Variants in SNTB1 observed in about 807,000 individuals in gnomAD.
The protein encoded by SNTB1 is beta-1-syntrophin.
SNTB1 carries 36 observed loss-of-function variants against 48.9 expected under a neutral mutation model. The observed-to-expected ratio is 0.74, with a 90% CI of 0.56 to 0.97. The LOEUF (loss-of-function observed/expected upper bound fraction) is 0.97. SNTB1 is among the 50% of genes least tolerant of loss of function. The probability of loss-of-function intolerance (pLI) is 0.00; values close to 1 mark genes in which losing one functional copy is unlikely to be tolerated. For missense variants in SNTB1, 786 were observed against 703.4 expected (o/e 1.12, Z -1.33); for synonymous variants, 299 against 294.6 (o/e 1.01, Z -0.15).
At chr8:120,724,079 C>T (rs961079416) in intron 1 of SNTB1, among the ~76,000 whole-genome samples, 2 of 152,222 alleles carry the variant, frequency 1.3e-5, no homozygotes, top group African/African-American at 2.4e-5. Context: ...AAGATCTTTT[C>T]GGTCTCTGAA....
intron 1 of SNTB1, among the ~76,000 whole-genome samples, chr8:120,780,679 A>G (rs959616538): frequency 6.6e-6 from 1 of 152,190 alleles, no homozygotes; most frequent in Non-Finnish European, 1.5e-5. Context: ...AATTTCTGGA[A>G]GGGGAAAGCT....
intron 2 of SNTB1, among the ~76,000 whole-genome samples, chr8:120,682,826 T>A (rs1387930975): frequency 2.6e-5 from 4 of 151,478 alleles, no homozygotes; most frequent in Non-Finnish European, 5.9e-5. Context: ...TAATTTCAAA[T>A]GAAGGAGGTA....
chr8:120,701,056 A>G (rs983026680), intron 1 of SNTB1, among the ~76,000 whole-genome samples: 1 of 152,186 alleles, frequency 6.6e-6, no homozygotes, highest in Non-Finnish European at 1.5e-5. Context: ...CTTCTGGTGA[A>G]ATGTTCAAGC....
In SNTB1 at chr8:120,625,235, C is replaced by T. The variant is rs565842209; in HGVS notation, c.996+7209G>A. On this transcript the variant is annotated intron_variant, in intron 3 of 6. Coordinates refer to ENST00000517992, the MANE Select transcript of SNTB1 (RefSeq NM_021021.4). ...TCCAACACATGAACACTGGGGGACA[C>T]GTTCAAACCATAGCACCATGTGGCC... Among the ~76,000 whole-genome samples the T allele has an allele frequency of 8.5e-5, 13 of 152,308 alleles. No individual in the cohort carries two copies. The South Asian group carries it at 2.1e-3, about 24-fold the overall frequency.
intron 1 of SNTB1, among the ~76,000 whole-genome samples, chr8:120,740,590 T>C (rs1819025586): frequency 6.6e-6 from 1 of 152,042 alleles, no homozygotes; most frequent in Non-Finnish European, 1.5e-5. Flanking sequence ...TTACAGGCCA[T>C]GGGTAATTAA....
chr8:120,683,770 C>T (rs1162659579), intron 2 of SNTB1, among the ~76,000 whole-genome samples: 1 of 152,146 alleles, frequency 6.6e-6, no homozygotes, highest in Non-Finnish European at 1.5e-5. Context: ...GTTCTCTCTC[C>T]TGGACTCTGA....
intron 1 of SNTB1, among the ~76,000 whole-genome samples, chr8:120,718,403 G>A (rs1254957320): frequency 6.6e-6 from 1 of 152,242 alleles, no homozygotes; most frequent in Non-Finnish European, 1.5e-5. Context: ...GGGGTGGGAA[G>A]AGAAGAGGGG....
intron 1 of SNTB1, among the ~76,000 whole-genome samples, chr8:120,704,677 C>G (rs1818353814): frequency 6.6e-6 from 1 of 152,002 alleles, no homozygotes; most frequent in Non-Finnish European, 1.5e-5. Context: ...ATGGCTGAAT[C>G]TAATAGATGA....
chr8:120,702,105 G>A (rs1034417913), intron 1 of SNTB1, among the ~76,000 whole-genome samples: 5 of 152,188 alleles, frequency 3.3e-5, no homozygotes, highest in Non-Finnish European at 7.3e-5. Context: ...AATGTTTAAT[G>A]AGCTCTTTCT....
chr8:120,649,841 T>C (rs9297621), intron 2 of SNTB1, among the ~76,000 whole-genome samples: 63,914 of 151,516 alleles, frequency 0.42, 14,182 homozygotes, highest in Non-Finnish European at 0.49. Context: ...TAGGACCCTC[T>C]GAGCCAGGTG....
intron 3 of SNTB1, among the ~76,000 whole-genome samples, chr8:120,579,813 T>C (rs1234656247): frequency 6.6e-6 from 1 of 152,230 alleles, no homozygotes; most frequent in Non-Finnish European, 1.5e-5. Flanking sequence ...GATACTGTTG[T>C]CACTTAGGCA....
chr8:120,557,065 G>A (rs1815577257), intron 4 of SNTB1, among the ~76,000 whole-genome samples: 1 of 152,156 alleles, frequency 6.6e-6, no homozygotes, highest in Non-Finnish European at 1.5e-5. Flanking sequence ...AGTCAAAACA[G>A]TATTCAAAAG....
intron 1 of SNTB1, among the ~76,000 whole-genome samples, chr8:120,747,586 A>T (rs4870748): frequency 6.6e-6 from 1 of 152,114 alleles, no homozygotes; most frequent in East Asian, 1.9e-4. Context: ...CCATCACACC[A>T]GGTCCATGTT....
chr8:120,578,273 C>T (rs1815983100), intron 3 of SNTB1, among the ~76,000 whole-genome samples: 2 of 151,918 alleles, frequency 1.3e-5, no homozygotes, highest in South Asian at 2.1e-4. Context: ...ATCTCCTGAC[C>T]TCATGATCTG....
chr8:120,800,556 G>A (rs1305228174), intron 1 of SNTB1, among the ~76,000 whole-genome samples: 7 of 152,042 alleles, frequency 4.6e-5, no homozygotes, highest in Non-Finnish European at 1.0e-4. Flanking sequence ...AGCCCAAGGA[G>A]GATGGTCATG....
intron 4 of SNTB1, among the ~76,000 whole-genome samples, chr8:120,573,720 G>A (rs1815895272): frequency 1.3e-5 from 2 of 152,234 alleles, no homozygotes; most frequent in Admixed American, 1.3e-4. Context: ...TGTGTATGGT[G>A]TAAAATAGGG....
At chr8:120,634,852 A>T (rs978353056) in intron 2 of SNTB1, among the ~76,000 whole-genome samples, 52 of 139,232 alleles carry the variant, frequency 3.7e-4, no homozygotes, top group African/African-American at 6.9e-4. Context: ...ATTAGTATTC[A>T]TTTTTTTTTT....
chr8:120,811,829 C>T lies in SNTB1; in HGVS notation c.15G>A (p.Ala5=). 3 of 1,344,874 alleles carry T rather than the reference C, an allele frequency of 2.2e-6. No homozygotes were observed. Among genetic ancestry groups the T allele is most frequent in the Non-Finnish European group, 1.9e-6 (2 of 1,051,302 alleles). The allele number at this position is 1,344,874 out of a possible 1,614,324, so 83.3% of individuals were successfully genotyped here. The change falls in exon 1 of 7, where the codon GCG becomes GCA. Residue 5 remains alanine (A), a synonymous_variant. Coordinates refer to ENST00000517992, the MANE Select transcript of SNTB1 (RefSeq NM_021021.4). ...CAGCCGGCCCAGCCGCCGCCGCCGC[C>T]GCCGCTACCGCCATCTTTCCGGCAT... The part of the protein sequence containing the change: MAVA[A]AAAAAGPAGA...
At position 120,548,838 on chromosome 8, in the gene SNTB1, C is replaced by G. The variant is rs775770688; in HGVS notation, c.1257G>C (p.Arg419Ser). Residue 419 changes from arginine to serine, a missense_variant, in exon 5 of 7, where the codon AGG becomes AGC. Physicochemically the swap from Arg to Ser is moderately radical, Grantham distance 110 (BLOSUM62 -1). Transcript: ENST00000517992. The part of the protein sequence containing the change: ...ETHLFRAETS[R>S]DLSHWTRSIV... ...TGCTCCTTGTCCAGTGGGAGAGGTCCCTGCTGGTCTCTGCTCTGAAGAGAT... is the reference window on the plus strand; with the variant it reads ...TGCTCCTTGTCCAGTGGGAGAGGTCGCTGCTGGTCTCTGCTCTGAAGAGAT... 22 of 1,614,074 alleles carry G rather than the reference C, an allele frequency of 1.4e-5. No homozygotes were observed. The highest frequency in any genetic ancestry group is 1.8e-5 in the Non-Finnish European group (21 of 1,180,008).
Sources: gnomAD v4.1 joint callset for allele counts (sites outside exome capture counted in the v4.1 genomes callset) on GRCh38, gnomAD v4.1.1 for gene constraint, MANE v1.5 for transcripts, NCBI Gene and HGNC (gene_info 2026-07-23, HGNC 2026-07-21) for gene names.